Variants in CAMTA1 observed in about 807,000 individuals in gnomAD.
CAMTA1 encodes calmodulin-binding transcription activator 1.
A neutral mutation model predicts 170.9 loss-of-function variants in CAMTA1; 27 were observed. That is an observed-to-expected ratio of 0.16 (90% CI 0.12 to 0.22). The LOEUF is 0.22. Among genes scored for constraint, CAMTA1 ranks in the 10% least tolerant of loss-of-function variants. The pLI is 1.00. For missense variants in CAMTA1, 1,619 were observed against 2,217.2 expected, an observed-to-expected ratio of 0.73 and a Z score of 5.42; for synonymous variants, 833 against 891.5, an observed-to-expected ratio of 0.93 and a Z score of 1.17.
chr1:7,594,206 G>GAAGGAAGGAAGGAAGT (rs2095379060), intron 6 of CAMTA1, among the ~76,000 whole-genome samples: 2 of 143,184 alleles, frequency 1.4e-5, no homozygotes, highest in Non-Finnish European at 3.0e-5. Flanking sequence ...GGAGGGGAAG[G>GAAGGAAGGAAGGAAGT]AAGGAAGGAA....
intron 5 of CAMTA1, among the ~76,000 whole-genome samples, chr1:7,320,649 GTT>G (rs55683398): frequency 0.025 from 1,994 of 80,080 alleles, 9 homozygotes; most frequent in African/African-American, 0.092. Context: ...TGCTGTGTGT[GTT>G]TTTTTTTTTT....
intron 6 of CAMTA1, among the ~76,000 whole-genome samples, chr1:7,483,421 C>A (rs1433694726): frequency 1.3e-5 from 2 of 152,218 alleles, no homozygotes; most frequent in Admixed American, 1.3e-4. Flanking sequence ...CGGAGGGAGA[C>A]CCTCAGCTCG....
intron 4 of CAMTA1, among the ~76,000 whole-genome samples, chr1:7,215,102 C>A (rs1659520791): frequency 6.6e-6 from 1 of 151,928 alleles, no homozygotes; most frequent in African/African-American, 2.4e-5. Context: ...TCCTGACATT[C>A]TTATTTGGAA....
At chr1:6,986,903 C>A (rs936805269) in intron 3 of CAMTA1, among the ~76,000 whole-genome samples, 8 of 151,970 alleles carry the variant, frequency 5.3e-5, no homozygotes, top group Non-Finnish European at 1.0e-4. Flanking sequence ...GACTTAGGAC[C>A]CAATATTCTA....
At chr1:7,676,789 C>A (rs1251056835) in intron 10 of CAMTA1, among the ~76,000 whole-genome samples, 1 of 152,244 alleles carries the variant, frequency 6.6e-6, no homozygotes, top group African/African-American at 2.4e-5. Context: ...CACAGGCCAG[C>A]CCCCAAGATG....
rs917649989 is a variant in CAMTA1 at position 7,092,077 on chromosome 1, C to T, written c.302+706C>T. The stretch of plus-strand genomic sequence containing the variant: ...TTTGGAATGTTACAATCTAGAGCTT[C>T]GGAAATACATGGCCACTCTCTTCCA... On this transcript the variant is annotated intron_variant, in intron 4 of 22. Transcript: ENST00000303635. This position sits in a 1 kb window ranked among gnomAD's most constrained non-coding sequence, Gnocchi z 5.0. 3.3e-5 allele frequency among the ~76,000 whole-genome samples: 5 copies of T among 152,214 alleles called. No homozygotes were observed. Among genetic ancestry groups the T allele is most frequent in the Admixed American group, 6.5e-5 (1 of 15,284 alleles).
intron 3 of CAMTA1, among the ~76,000 whole-genome samples, chr1:6,933,493 C>A (rs1027434312): frequency 4.6e-5 from 7 of 152,170 alleles, no homozygotes; most frequent in Non-Finnish European, 1.0e-4. Context: ...TTCCTGATCT[C>A]AAGTGATCTG....
At chr1:7,485,948 G>A (rs1433876637) in intron 6 of CAMTA1, among the ~76,000 whole-genome samples, 1 of 152,240 alleles carries the variant, frequency 6.6e-6, no homozygotes, top group African/African-American at 2.4e-5. Flanking sequence ...AGCTGTTGGT[G>A]TCTGATCAGA....
At chr1:6,968,272 G>A (rs72856220) in intron 3 of CAMTA1, among the ~76,000 whole-genome samples, 2 of 152,166 alleles carry the variant, frequency 1.3e-5, no homozygotes, top group Non-Finnish European at 2.9e-5. Flanking sequence ...GGCATGTATC[G>A]TGGCTTGCCC....
rs1434144572 is a variant in CAMTA1 at position 7,585,284 on chromosome 1, G to A, written c.511-55116G>A. On this transcript the variant is annotated intron_variant, in intron 6 of 22. Coordinates refer to ENST00000303635, the MANE Select transcript of CAMTA1 (RefSeq NM_015215.4). This position sits in a 1 kb window ranked among gnomAD's most constrained non-coding sequence, Gnocchi z 4.8. ...CAGAGTAAAGGAAGGGGTACGGGAG[G>A]GTTGCGGATAGAGTAGCCAAGAAGA... Among the ~76,000 whole-genome samples, 1 of 145,726 alleles carries A rather than the reference G, an allele frequency of 6.9e-6. No individual in the cohort carries two copies. The highest frequency in any genetic ancestry group is 2.8e-5 in the African/African-American group (1 of 35,206).
intron 6 of CAMTA1, among the ~76,000 whole-genome samples, chr1:7,485,935 G>T (rs1043417295): frequency 2.6e-5 from 4 of 152,184 alleles, no homozygotes; most frequent in Non-Finnish European, 5.9e-5. Flanking sequence ...CACCTCAGCC[G>T]CCAGCTGTTG....
chr1:7,039,449 T>C (rs1483507846), intron 3 of CAMTA1, among the ~76,000 whole-genome samples: 1 of 152,214 alleles, frequency 6.6e-6, no homozygotes, highest in African/African-American at 2.4e-5. Flanking sequence ...TCTGATACCT[T>C]GGTTTGAGGA....
intron 6 of CAMTA1, among the ~76,000 whole-genome samples, chr1:7,542,879 G>GTGTGTT (rs1459264062): frequency 0.11 from 15,171 of 137,884 alleles, 1,063 homozygotes; most frequent in Middle Eastern, 0.17. Flanking sequence ...GTGTGTGTGT[G>GTGTGTT]TTTGAGCCGG....
chr1:7,611,056 G>C (rs1006710884), intron 6 of CAMTA1, among the ~76,000 whole-genome samples: 3 of 152,200 alleles, frequency 2.0e-5, no homozygotes, highest in African/African-American at 7.2e-5. Flanking sequence ...CTCTCGAAGT[G>C]TCCATTTTCT....
intron 4 of CAMTA1, among the ~76,000 whole-genome samples, chr1:7,191,865 G>A (rs957083429): frequency 1.3e-5 from 2 of 152,198 alleles, no homozygotes; most frequent in African/African-American, 4.8e-5. Context: ...GCAGCGAGAA[G>A]GCCAATGCAG....
rs149040014 is a variant in CAMTA1, at chr1:7,021,423, T to C, written c.235-69881T>C. Among the ~76,000 whole-genome samples, 488 of 152,354 alleles carry C rather than the reference T, an allele frequency of 3.2e-3. 4 individuals are homozygous for C. Among genetic ancestry groups the C allele is most frequent in the African/African-American group, 0.011 (461 of 41,584 alleles). Reference sequence around the variant, plus strand: ...TCTCTTTGTCTGTCTGCTCCCTTCATGTGCATCGTCTTTTTCTGATTTTCC... The same window carrying C: ...TCTCTTTGTCTGTCTGCTCCCTTCACGTGCATCGTCTTTTTCTGATTTTCC... On this transcript the variant is annotated intron_variant, in intron 3 of 22. Coordinates refer to ENST00000303635, the MANE Select transcript of CAMTA1 (RefSeq NM_015215.4).
chr1:7,294,790 G>A (rs1673676365), intron 5 of CAMTA1, among the ~76,000 whole-genome samples: 1 of 152,242 alleles, frequency 6.6e-6, no homozygotes. Flanking sequence ...GTGAGGACCA[G>A]CCCAGACCAG....
chr1:7,621,273 T>C (rs1445127365), intron 6 of CAMTA1, among the ~76,000 whole-genome samples: 1 of 152,184 alleles, frequency 6.6e-6, no homozygotes, highest in Non-Finnish European at 1.5e-5. Flanking sequence ...GGACCCCCCA[T>C]GGTGGGTGCT....
chr1:7,437,563 TC>T (rs1480710060), intron 5 of CAMTA1, among the ~76,000 whole-genome samples: 1 of 152,172 alleles, frequency 6.6e-6, no homozygotes, highest in Non-Finnish European at 1.5e-5. Context: ...GCAGAGACTT[TC>T]CAAATTAGGC....
Sources: allele counts gnomAD v4.1 joint callset (sites outside exome capture counted in the v4.1 genomes callset), GRCh38; gene constraint gnomAD v4.1.1; non-coding constraint Gnocchi (gnomAD v3.1); transcripts MANE v1.5; gene names NCBI Gene and HGNC (gene_info 2026-07-23, HGNC 2026-07-21).